MGST3: variants seen among roughly 807,000 people sequenced by gnomAD.
MGST3 encodes the protein microsomal glutathione S-transferase 3, also known as glutathione S-transferase 3, mitochondrial.
Under a neutral mutation model 15.8 loss-of-function variants are expected in MGST3, and 13 were observed. The ratio of observed to expected loss-of-function variants is 0.82; its 90% CI spans 0.54 to 1.31. MGST3 has a LOEUF of 1.31. Ranked by LOEUF, MGST3 falls within the 50% of genes most tolerant of loss-of-function variation. The probability of loss-of-function intolerance (pLI) is 0.00; values close to 1 mark genes in which losing one functional copy is unlikely to be tolerated. For missense variants in MGST3, 155 were observed against 192.4 expected, an observed-to-expected ratio of 0.81 and a Z score of 1.15; for synonymous variants, 49 against 68.1, an observed-to-expected ratio of 0.72 and a Z score of 1.38.
chr1:165,636,537 A>G (rs576874223), intron 1 of MGST3, among the ~76,000 whole-genome samples: 1 of 152,162 alleles, frequency 6.6e-6, no homozygotes, highest in Non-Finnish European at 1.5e-5. Context: ...GGAGTTCGAG[A>G]CCAGTCTGAT....
intron 1 of MGST3, chr1:165,635,669 T>C (rs1648090795): frequency 1.3e-5 from 2 of 152,266 alleles, no homozygotes; most frequent in African/African-American, 4.8e-5. Flanking sequence ...GGCCAAACTA[T>C]GGCTATTTAA....
At chr1:165,648,631 C>T (rs1179372197) in intron 1 of MGST3, 1 of 152,038 alleles carries the variant, frequency 6.6e-6, no homozygotes, top group Admixed American at 6.6e-5. Flanking sequence ...GCACTCCAGC[C>T]CGGGCGACAA....
At chr1:165,632,466 G>C (rs2101711541) in intron 1 of MGST3, among the ~76,000 whole-genome samples, 1 of 152,302 alleles carries the variant, frequency 6.6e-6, no homozygotes, top group Non-Finnish European at 1.5e-5. Flanking sequence ...AGAGCACATT[G>C]AGTCAGATCA....
intron 1 of MGST3, among the ~76,000 whole-genome samples, chr1:165,640,238 C>T (rs1395421621): frequency 6.6e-6 from 1 of 151,882 alleles, no homozygotes; most frequent in Non-Finnish European, 1.5e-5. Context: ...TTGTCTCGAA[C>T]CTCTGTTAAA....
At chr1:165,644,832 C>T (rs1179244599) in intron 1 of MGST3, among the ~76,000 whole-genome samples, 1 of 152,130 alleles carries the variant, frequency 6.6e-6, no homozygotes, top group Non-Finnish European at 1.5e-5. Flanking sequence ...AATCTCGGCT[C>T]ACTGCAACCT....
At chr1:165,651,130 G>A (rs756971955) in intron 3 of MGST3, 43 bp downstream of exon 3, 1 of 1,568,116 alleles carries the variant, frequency 6.4e-7, no homozygotes, top group South Asian at 1.1e-5. Context: ...TCTGCAGAGT[G>A]GGTGTTTTCT....
chr1:165,647,885 C>CCTGG (rs956612694), intron 1 of MGST3: 6 of 152,150 alleles, frequency 3.9e-5, no homozygotes, highest in African/African-American at 1.4e-4. Context: ...GCCCAGGCTG[C>CCTGG]CTGGCCTCAA....
At chr1:165,654,428 C>T (rs1648651815) in intron 5 of MGST3, 77 bp downstream of exon 5, 18 of 1,346,678 alleles carry the variant, frequency 1.3e-5, no homozygotes, top group Non-Finnish European at 1.1e-6. Context: ...CAGTGGCTTA[C>T]ACCTGTAATC....
chr1:165,632,599 A>G (rs867836852), intron 1 of MGST3, among the ~76,000 whole-genome samples: 5 of 152,204 alleles, frequency 3.3e-5, no homozygotes, highest in Non-Finnish European at 7.3e-5. Flanking sequence ...AATGTTACGG[A>G]AATAGAAAAC....
rs1384213901 is a variant in MGST3 at position 165,631,257 on chromosome 1, A to G, written c.-44A>G. On this transcript the variant is annotated 5_prime_UTR_variant, in exon 1 of 6. Transcript: ENST00000367889. Reference sequence around the variant, plus strand: ...GCGCCGCACCCACACCGCGCTGCGCAGTTTTGTTCTGCTCCAGCTGTTCGA... The same window carrying G: ...GCGCCGCACCCACACCGCGCTGCGCGGTTTTGTTCTGCTCCAGCTGTTCGA... 1 of 152,674 alleles carries G rather than the reference A, an allele frequency of 6.5e-6. No homozygotes were observed. 9.5% of individuals were successfully genotyped at this position (152,674 alleles called of 1,614,324 possible).
Position 165,654,364 on chromosome 1 carries a change from T to G in MGST3, c.322+13T>G, listed in dbSNP as rs1163715629. On this transcript the variant is annotated intron_variant, in intron 5 of 5. Coordinates refer to ENST00000367889, the MANE Select transcript of MGST3 (RefSeq NM_004528.4). ...TATTACACGGGAGGTTAGTATATAT[T>G]GACATTTGCCAAGGAAACAACTTTA... is the stretch of plus-strand genomic sequence containing the variant. 1 of 1,612,078 alleles carries G rather than the reference T, an allele frequency of 6.2e-7. No individual in the cohort carries two copies. The highest frequency in any genetic ancestry group is 1.3e-5 in the African/African-American group (1 of 74,866).
At chr1:165,653,397 G>A (rs1329279044) in intron 4 of MGST3, among the ~76,000 whole-genome samples, 1 of 152,130 alleles carries the variant, frequency 6.6e-6, no homozygotes, top group Non-Finnish European at 1.5e-5. Flanking sequence ...GTAAAGAAGG[G>A]CCTGGCAGAG....
At chr1:165,653,420 A>G (rs1479136158) in intron 4 of MGST3, among the ~76,000 whole-genome samples, 1 of 152,196 alleles carries the variant, frequency 6.6e-6, no homozygotes, top group African/African-American at 2.4e-5. Flanking sequence ...TAGAGCTGCT[A>G]TATCGTGACT....
intron 2 of MGST3, 192 bp downstream of exon 2, chr1:165,650,156 T>G: frequency 1.4e-6 from 1 of 701,510 alleles, no homozygotes; most frequent in Non-Finnish European, 2.3e-6. Flanking sequence ...TGCTAGGGAG[T>G]AGTTTCCATC....
chr1:165,650,945 G>A (rs191693992), intron 2 of MGST3, 69 bp from the exon 3 acceptor site: 10 of 1,361,204 alleles, frequency 7.3e-6, no homozygotes, highest in Admixed American at 1.7e-5. Context: ...TGTTTTTAAG[G>A]TTCATTTTAA....
intron 1 of MGST3, among the ~76,000 whole-genome samples, chr1:165,634,770 T>TCTCCCTCCCTCTCCCTTC (rs1648059018): frequency 4.0e-5 from 1 of 24,746 alleles, no homozygotes; most frequent in East Asian, 1.4e-3. Context: ...CCTCCCTCTC[T>TCTCCCTCCCTCTCCCTTC]CTCCCTCCCT....
At chr1:165,648,939 A>C (rs1176880929) in intron 1 of MGST3, 2 of 152,240 alleles carry the variant, frequency 1.3e-5, no homozygotes, top group Non-Finnish European at 1.5e-5. Flanking sequence ...GTTTGTTAGG[A>C]TGATTAGATA....
chr1:165,654,700 T>A (rs561612256), intron 5 of MGST3, among the ~76,000 whole-genome samples: 3 of 152,190 alleles, frequency 2.0e-5, no homozygotes, highest in South Asian at 2.1e-4. Context: ...CAAAAAAAAA[T>A]AAAATCTTAT....
intron 1 of MGST3, chr1:165,647,696 G>A (rs1261226858): frequency 1.3e-5 from 2 of 151,544 alleles, no homozygotes; most frequent in African/African-American, 4.8e-5. Flanking sequence ...TAATTTTATT[G>A]TCCTTACATT....
Sources: allele counts gnomAD v4.1 joint callset (sites outside exome capture counted in the v4.1 genomes callset), GRCh38; gene constraint gnomAD v4.1.1; transcripts MANE v1.5; gene names NCBI Gene and HGNC (gene_info 2026-07-23, HGNC 2026-07-21).